KRT86: variants seen among roughly 807,000 people sequenced by gnomAD.
The protein encoded by KRT86 is keratin, type II cuticular Hb6.
Under a neutral mutation model 41.2 loss-of-function variants are expected in KRT86, and 30 were observed. The ratio of observed to expected loss-of-function variants is 0.73; its 90% confidence interval spans 0.54 to 0.99. The LOEUF (loss-of-function observed/expected upper bound fraction) is 0.99. Ranked by LOEUF, KRT86 falls within the 50% of genes least tolerant of loss-of-function variation. The pLI is 0.00. For missense variants in KRT86, 561 were observed against 571.4 expected (o/e 0.98, Z 0.19); for synonymous variants, 238 against 238.1 (o/e 1.00, Z 0.00).
chr12:52,275,329 A>T (rs1478176710), intron 1 of KRT86, among the ~76,000 whole-genome samples: 1 of 152,222 alleles, frequency 6.6e-6, no homozygotes, highest in Non-Finnish European at 1.5e-5. Flanking sequence ...TGGAATCTAG[A>T]TCACTGTCCC....
At chr12:52,287,006 C>T in intron 2 of KRT86, 2 of 1,601,766 alleles carry the variant, frequency 1.2e-6, no homozygotes, top group Middle Eastern at 2.1e-4. Flanking sequence ...ATATTTTTTT[C>T]CCCCAGAGCC....
At position 52,295,780 on chromosome 12, in the gene KRT86, C is replaced by T. The variant is rs1938236075; in HGVS notation, c.-4-6133C>T. 2.0e-5 allele frequency among the ~76,000 whole-genome samples: 3 copies of T among 152,264 alleles called. No individual in the cohort carries two copies. In the South Asian group the frequency reaches 6.2e-4, roughly 32 times the overall value. ...ATTTTTTGAATGAATGAAAAGAATA[C>T]CAGCTGCATATTAAGTGCTGAGTAA... On this transcript the variant is annotated intron_variant, in intron 2 of 10. Transcript: ENST00000423955.
At chr12:52,298,909 A>G (rs1592433571) in intron 2 of KRT86, among the ~76,000 whole-genome samples, 2 of 152,122 alleles carry the variant, frequency 1.3e-5, no homozygotes, top group African/African-American at 4.8e-5. Context: ...AAATCAGAGT[A>G]CTTGGAATAT....
At chr12:52,291,451 T>C in intron 2 of KRT86, 1 of 1,612,836 alleles carries the variant, frequency 6.2e-7, no homozygotes, top group Non-Finnish European at 8.5e-7. Flanking sequence ...CACCAAATCC[T>C]GATCCGCAGG....
chr12:52,292,198 T>C (rs1223457043), intron 2 of KRT86, among the ~76,000 whole-genome samples: 1 of 152,184 alleles, frequency 6.6e-6, no homozygotes, highest in African/African-American at 2.4e-5. Flanking sequence ...TTTACCCCGA[T>C]TCAACAGTTA....
chr12:52,300,617 C>T (rs1206084482), intron 2 of KRT86, among the ~76,000 whole-genome samples: 1 of 152,250 alleles, frequency 6.6e-6, no homozygotes, highest in East Asian at 1.9e-4. Flanking sequence ...ACACTATTCA[C>T]ACTGGATGGA....
intron 2 of KRT86, chr12:52,287,695 G>A (rs1668362811): frequency 1.2e-6 from 2 of 1,614,036 alleles, no homozygotes; most frequent in Non-Finnish European, 1.7e-6. Context: ...CCCCGTGCCT[G>A]ATCACCGTGG....
At chr12:52,305,844 C>G in intron 8 of KRT86, 56 bp downstream of exon 8, 1 of 1,613,808 alleles carries the variant, frequency 6.2e-7, no homozygotes, top group South Asian at 1.1e-5. Context: ...CATGGTCACA[C>G]AGCCTATGTG....
At chr12:52,294,840 T>C (rs959030610) in intron 2 of KRT86, among the ~76,000 whole-genome samples, 15 of 152,318 alleles carry the variant, frequency 9.8e-5, no homozygotes, top group Middle Eastern at 3.4e-3. Context: ...CAATGACATA[T>C]TGTTTCTTTT....
At chr12:52,301,799 C>T in intron 2 of KRT86, 114 bp from the exon 3 acceptor site, 3 of 1,608,708 alleles carry the variant, frequency 1.9e-6, no homozygotes, top group Non-Finnish European at 2.5e-6. Context: ...TCACAGTCTC[C>T]CCACTTATAT....
intron 2 of KRT86, among the ~76,000 whole-genome samples, chr12:52,295,978 C>G (rs1249150859): frequency 6.6e-6 from 1 of 151,900 alleles, no homozygotes; most frequent in African/African-American, 2.4e-5. Flanking sequence ...TTCAACCAAG[C>G]AAAGTCCTTG....
At position 52,308,535 on chromosome 12, in the gene KRT86, G is replaced by GC; in HGVS notation, c.1416dup (p.Ser473LeufsTer12). The GC allele has an allele frequency of 1.2e-6, 2 of 1,601,942 alleles. No individual in the cohort carries two copies. The highest frequency in any genetic ancestry group is 1.3e-5 in the African/African-American group (1 of 75,042). ...GGTGGTGGGCACTACTAACGCCTGCGCCCCCTCCGCCCGGGTTGGCGTCTG... is the reference window on the plus strand; with the variant it reads ...GGTGGTGGGCACTACTAACGCCTGCGCCCCCCTCCGCCCGGGTTGGCGTCTG... On this transcript the variant is annotated frameshift_variant, in exon 11 of 11. Transcript: ENST00000423955. LOFTEE classifies it high-confidence loss of function.
rs773229998 is a variant in KRT86, at chr12:52,287,247, G to A, written c.-5+11301G>A. 7.4e-6 allele frequency: 12 copies of A among 1,613,956 alleles called. No homozygotes were observed. In the South Asian group the frequency reaches 7.7e-5, roughly 10 times the overall value. On this transcript the variant is annotated intron_variant, in intron 2 of 10. Transcript: ENST00000423955. ...TGCAGGGCGCCCTCCAGCTCGGCCAGCTTGCAGCGGGCATCACTGAGGGCC... is the reference window on the plus strand; with the variant it reads ...TGCAGGGCGCCCTCCAGCTCGGCCAACTTGCAGCGGGCATCACTGAGGGCC...
At chr12:52,293,346 C>T (rs931020123) in intron 2 of KRT86, among the ~76,000 whole-genome samples, 5 of 152,066 alleles carry the variant, frequency 3.3e-5, no homozygotes, top group African/African-American at 9.7e-5. Context: ...ATAACTTGCC[C>T]GAAGTCTCCC....
chr12:52,308,288 C>T lies in KRT86; in HGVS notation c.1279+24C>T, dbSNP rs757433234. ...CTGTAAGTAGTGGGGTCCGTCCCCT[C>T]CTCCCGCTGGGCGGGTCTGGGAGCC... On this transcript the variant is annotated intron_variant, in intron 10 of 10. Coordinates refer to ENST00000423955, the MANE Select transcript of KRT86 (RefSeq NM_001320198.2). 704 of 1,614,036 alleles carry T rather than the reference C, an allele frequency of 4.4e-4. 1 individual carries two copies. The highest frequency in any genetic ancestry group is 5.5e-4 in the Non-Finnish European group (650 of 1,180,034).
chr12:52,287,627 A>C, intron 2 of KRT86: 1 of 1,613,956 alleles, frequency 6.2e-7, no homozygotes, highest in Non-Finnish European at 8.5e-7. Context: ...CTCGGCCGTC[A>C]GCCTTTGGAT....
chr12:52,279,741 C>A (rs1196770151), intron 2 of KRT86, among the ~76,000 whole-genome samples: 1 of 152,124 alleles, frequency 6.6e-6, no homozygotes, highest in East Asian at 1.9e-4. Context: ...AGCCCGGAGT[C>A]CATGGGGAAA....
At chr12:52,279,560 A>T (rs1400139257) in intron 2 of KRT86, among the ~76,000 whole-genome samples, 1 of 152,156 alleles carries the variant, frequency 6.6e-6, no homozygotes, top group Non-Finnish European at 1.5e-5. Flanking sequence ...CCAGGAGTTT[A>T]AACCCGGATT....
At chr12:52,292,410 A>T (rs529964679) in intron 2 of KRT86, among the ~76,000 whole-genome samples, 1 of 152,360 alleles carries the variant, frequency 6.6e-6, no homozygotes, top group African/African-American at 2.4e-5. Flanking sequence ...TAAGGATTTT[A>T]AAACTACATT....
Sources: allele counts gnomAD v4.1 joint callset (sites outside exome capture counted in the v4.1 genomes callset), GRCh38; gene constraint gnomAD v4.1.1; transcripts MANE v1.5; gene names NCBI Gene and HGNC (gene_info 2026-07-23, HGNC 2026-07-21).